Variants in VPS13C observed in about 807,000 individuals in gnomAD.
VPS13C encodes the protein vacuolar protein sorting 13 homolog C.
A neutral mutation model predicts 456.8 loss-of-function variants in VPS13C; 358 were observed. That is an observed-to-expected ratio of 0.78 (90% CI 0.72 to 0.86). VPS13C has a LOEUF of 0.86. VPS13C is among the 40% of genes least tolerant of loss of function. The pLI, the probability that VPS13C is intolerant of heterozygous loss-of-function variation, is 0.00. For synonymous variants in VPS13C, 1,578 were observed against 1,486.7 expected (o/e 1.06, Z -1.41); for missense variants, 4,818 against 4,385.4 (o/e 1.10, Z -2.79).
At chr15:62,007,063 C>A (rs1160976800) in intron 15 of VPS13C, among the ~76,000 whole-genome samples, 1 of 151,906 alleles carries the variant, frequency 6.6e-6, no homozygotes, top group Non-Finnish European at 1.5e-5. Flanking sequence ...TTATAAAAAC[C>A]AGTCACCTTT....
intron 68 of VPS13C, 87 bp downstream of exon 68, chr15:61,884,041 G>T: frequency 1.6e-6 from 2 of 1,245,820 alleles, no homozygotes; most frequent in Non-Finnish European, 2.2e-6. Context: ...TTCTGCACAT[G>T]TCTTTACTTG....
At position 61,880,956 on chromosome 15, in the gene VPS13C, T is replaced by C; in HGVS notation, c.9777-2A>G. On this transcript the variant is annotated splice_acceptor_variant, in intron 71 of 84. Coordinates refer to ENST00000644861, the MANE Select transcript of VPS13C (RefSeq NM_020821.3). LOFTEE classifies it high-confidence loss of function. ...TCCTGAATGAGGACCATAAAATACC[T>C]AAGAAAAAAAATTTAAAATGGAAAA... 1.9e-6 allele frequency: 3 copies of C among 1,574,638 alleles called. No homozygotes were observed. Among genetic ancestry groups the C allele is most frequent in the Non-Finnish European group, 2.6e-6 (3 of 1,166,092 alleles).
chr15:62,033,531 C>A lies in VPS13C; in HGVS notation c.295G>T (p.Asp99Tyr). The change falls in exon 5 of 85, where the codon GAT becomes TAT. Residue 99 changes from aspartate (D) to tyrosine (Y), a missense_variant. Coordinates refer to ENST00000644861, the MANE Select transcript of VPS13C (RefSeq NM_020821.3). Reference sequence around the variant, plus strand: ...AAGGATTTTTCTTCTTTTACAGCATCATACTTAATACCTAAAAATATACAG... The same window carrying A: ...AAGGATTTTTCTTCTTTTACAGCATAATACTTAATACCTAAAAATATACAG... ...LVVPGASIKY[D>Y]AVKEEKSLQD... 6.3e-7 allele frequency: 1 copy of A among 1,595,600 alleles called. No homozygotes were observed. The highest frequency in any genetic ancestry group is 8.6e-7 in the Non-Finnish European group (1 of 1,168,718).
At chr15:61,999,436 G>T (rs957810397) in intron 16 of VPS13C, among the ~76,000 whole-genome samples, 1 of 151,562 alleles carries the variant, frequency 6.6e-6, no homozygotes, top group Admixed American at 6.6e-5. Context: ...ATTTTTAATT[G>T]TGTGGGGGCT....
chr15:61,862,067 T>G, intron 82 of VPS13C, among the ~76,000 whole-genome samples: 1 of 151,052 alleles, frequency 6.6e-6, no homozygotes, highest in Non-Finnish European at 1.5e-5. Flanking sequence ...ATCACTGGAC[T>G]CCAGCCTGGG....
intron 28 of VPS13C, 25 bp downstream of exon 28, chr15:61,969,274 T>G (rs760078887): frequency 6.6e-7 from 1 of 1,514,610 alleles, no homozygotes; most frequent in South Asian, 1.2e-5. Context: ...TTATAGGCTA[T>G]TATTTCTATT....
chr15:61,877,113 CTT>C (rs1895483749), intron 74 of VPS13C, 59 bp from the exon 75 acceptor site: 1 of 1,394,244 alleles, frequency 7.2e-7, no homozygotes, highest in Non-Finnish European at 9.8e-7. Flanking sequence ...AAAAAAGAGA[CTT>C]AAAATTTGAA....
chr15:61,940,867 C>T (rs2044397539), intron 46 of VPS13C, 73 bp from the exon 47 acceptor site: 1 of 1,426,578 alleles, frequency 7.0e-7, no homozygotes, highest in Admixed American at 2.2e-5. Flanking sequence ...TATTGTGTAA[C>T]AGTTTCCACA....
chr15:61,902,913 G>T (rs117148762), intron 66 of VPS13C, among the ~76,000 whole-genome samples: 1 of 148,062 alleles, frequency 6.8e-6, no homozygotes, highest in African/African-American at 2.5e-5. Flanking sequence ...AATTATCCTC[G>T]TTCACAAACA....
chr15:61,998,526 T>C (rs2046472347), intron 16 of VPS13C, among the ~76,000 whole-genome samples: 1 of 152,188 alleles, frequency 6.6e-6, no homozygotes, highest in African/African-American at 2.4e-5. Context: ...CTCCTAACAA[T>C]AACCCTAAGA....
chr15:61,915,870 G>C lies in VPS13C; in HGVS notation c.8208C>G (p.Phe2736Leu), dbSNP rs1036035642. 1 of 1,613,982 alleles carries C rather than the reference G, an allele frequency of 6.2e-7. No individual in the cohort carries two copies. Among genetic ancestry groups the C allele is most frequent in the Admixed American group, 1.7e-5 (1 of 59,982 alleles). The change falls in exon 61 of 85, where the codon TTC becomes TTG. Residue 2736 changes from phenylalanine (F) to leucine (L), a missense_variant. Coordinates refer to ENST00000644861, the MANE Select transcript of VPS13C (RefSeq NM_020821.3). ...HFRIRDTLPE[F>L]FPVCFSSDST... Reference sequence around the variant, plus strand: ...AGTCAGAAGAAAAACACACAGGAAAGAATTCTGGTAGTGTATCACGTATGC... The same window carrying C: ...AGTCAGAAGAAAAACACACAGGAAACAATTCTGGTAGTGTATCACGTATGC...
At chr15:62,015,446 T>C (rs2047199591) in intron 9 of VPS13C, among the ~76,000 whole-genome samples, 1 of 151,986 alleles carries the variant, frequency 6.6e-6, no homozygotes, top group African/African-American at 2.4e-5. Flanking sequence ...ATGTCCTGAA[T>C]GGTAATGCCT....
intron 19 of VPS13C, among the ~76,000 whole-genome samples, chr15:61,984,284 G>A (rs2045970885): frequency 6.6e-6 from 1 of 152,116 alleles, no homozygotes; most frequent in South Asian, 2.1e-4. Flanking sequence ...GATCACTGTT[G>A]TATGAATAAA....
At chr15:61,918,711 T>G (rs990287946) in intron 58 of VPS13C, among the ~76,000 whole-genome samples, 3 of 152,062 alleles carry the variant, frequency 2.0e-5, no homozygotes, top group Admixed American at 6.6e-5. Flanking sequence ...TGTCCAAAAT[T>G]TGAAACCTTT....
chr15:62,036,545 G>A (rs1303460151), intron 3 of VPS13C, among the ~76,000 whole-genome samples: 1 of 151,918 alleles, frequency 6.6e-6, no homozygotes, highest in African/African-American at 2.4e-5. Flanking sequence ...AGTCTACAAC[G>A]CTCTGGGTCA....
At chr15:61,900,628 G>A (rs1003231712) in intron 66 of VPS13C, among the ~76,000 whole-genome samples, 1 of 151,080 alleles carries the variant, frequency 6.6e-6, no homozygotes, top group African/African-American at 2.4e-5. Context: ...ACAAATGGAA[G>A]AACATTCCAT....
chr15:62,042,007 T>C (rs35119291), intron 2 of VPS13C, among the ~76,000 whole-genome samples: 9,123 of 152,224 alleles, frequency 0.06, 339 homozygotes, highest in Non-Finnish European at 0.084. Context: ...ACAATGTTTA[T>C]CTGAAATACT....
intron 54 of VPS13C, 127 bp from the exon 55 acceptor site, chr15:61,922,160 AATAT>A: frequency 9.2e-7 from 1 of 1,083,554 alleles, no homozygotes; most frequent in South Asian, 1.5e-5. Context: ...CCCATCTAAC[AATAT>A]ATAGAGTGTA....
chr15:61,996,101 A>T (rs2046377120), intron 16 of VPS13C, among the ~76,000 whole-genome samples: 1 of 152,126 alleles, frequency 6.6e-6, no homozygotes, highest in South Asian at 2.1e-4. Context: ...AGAAGGGGAT[A>T]TCTCTTAATT....
Sources: allele counts gnomAD v4.1 joint callset (sites outside exome capture counted in the v4.1 genomes callset), GRCh38; gene constraint gnomAD v4.1.1; transcripts MANE v1.5; gene names NCBI Gene and HGNC (gene_info 2026-07-23, HGNC 2026-07-21).